The following CDH7 variants were observed in gnomAD, a reference collection of about 807,000 sequenced individuals.
The protein encoded by CDH7 is cadherin 7, also known as cadherin-7.
In CDH7, 25 loss-of-function variants were observed where a neutral mutation model predicts 71.8. The observed-to-expected ratio is 0.35, with a 90% CI of 0.25 to 0.49. The LOEUF (loss-of-function observed/expected upper bound fraction) is 0.49, where lower values mean the gene tolerates loss of function less well. CDH7 is among the 20% of genes least tolerant of loss of function. The probability of loss-of-function intolerance (pLI) is 0.99; values close to 1 mark genes in which losing one functional copy is unlikely to be tolerated. For missense variants in CDH7, 862 were observed against 974.6 expected, an observed-to-expected ratio of 0.88 and a Z score of 1.54; for synonymous variants, 381 against 363.8, an observed-to-expected ratio of 1.05 and a Z score of -0.54.
In CDH7 at chr18:65,887,574, T is replaced by C. The variant is rs1914404109; in HGVS notation, c.*6680T>C. ...ACTTATATATATTATGTATTTGTCT[T>C]TGAATTTTGTGTGCGTATGTGTGTG... is the stretch of plus-strand genomic sequence containing the variant. On this transcript the variant is annotated 3_prime_UTR_variant, in exon 12 of 12. Coordinates refer to ENST00000397968, the MANE Select transcript of CDH7 (RefSeq NM_004361.5). 1 of 152,178 alleles carries C rather than the reference T, an allele frequency of 6.6e-6. No individual in the cohort carries two copies. The allele number at this position is 152,178 out of a possible 1,614,324, so 9.4% of individuals were successfully genotyped here. A position where few individuals can be genotyped will look rare whatever the true frequency, so the allele number is the denominator to read the frequency against.
At chr18:65,880,273 A>G in intron 11 of CDH7, 128 bp from the exon 12 acceptor site, 1 of 885,216 alleles carries the variant, frequency 1.1e-6, no homozygotes, top group Non-Finnish European at 1.7e-6. Flanking sequence ...TTGTGGAAGT[A>G]GGTGGCCAAT....
intron 6 of CDH7, among the ~76,000 whole-genome samples, chr18:65,839,171 G>A (rs887071260): frequency 1.3e-5 from 2 of 152,110 alleles, no homozygotes; most frequent in African/African-American, 4.8e-5. Flanking sequence ...AGAACTCTTT[G>A]CTATTTAGTT....
At chr18:65,756,048 A>G (rs1916019704) in intron 1 of CDH7, among the ~76,000 whole-genome samples, 1 of 152,218 alleles carries the variant, frequency 6.6e-6, no homozygotes, top group Non-Finnish European at 1.5e-5. Flanking sequence ...TCTTAAAACA[A>G]TGGTAATATG....
chr18:65,811,285 C>T (rs114143694), intron 3 of CDH7, among the ~76,000 whole-genome samples: 2,447 of 151,838 alleles, frequency 0.016, 53 homozygotes, highest in African/African-American at 0.055. Flanking sequence ...CATGTGTGCT[C>T]TTAAGGGGAT....
intron 4 of CDH7, among the ~76,000 whole-genome samples, chr18:65,820,705 G>A (rs1439562108): frequency 6.6e-6 from 1 of 152,104 alleles, no homozygotes; most frequent in Non-Finnish European, 1.5e-5. Flanking sequence ...GTTATTTATA[G>A]GCTCACTTAT....
At chr18:65,786,672 T>TTC (rs1003600390) in intron 2 of CDH7, among the ~76,000 whole-genome samples, 2 of 152,046 alleles carry the variant, frequency 1.3e-5, no homozygotes, top group Non-Finnish European at 2.9e-5. Flanking sequence ...CTGCTTCTTT[T>TTC]TCTCTCTCTC....
intron 2 of CDH7, among the ~76,000 whole-genome samples, chr18:65,792,643 ATGT>A (rs1910755381): frequency 6.6e-6 from 1 of 152,052 alleles, no homozygotes; most frequent in South Asian, 2.1e-4. Flanking sequence ...TTGCATTCTA[ATGT>A]TGTAGCACTG....
At chr18:65,796,927 A>G (rs1471450947) in intron 2 of CDH7, among the ~76,000 whole-genome samples, 1 of 152,222 alleles carries the variant, frequency 6.6e-6, no homozygotes. Context: ...GTAGCCGTTA[A>G]GAAAATAGGA....
At position 65,884,029 on chromosome 18, in the gene CDH7, C is replaced by G. The variant is rs1914305137; in HGVS notation, c.*3135C>G. ...AGCATCAATAGAAACTCAGGGTTTG[C>G]CAAATTATGCCCATTTTGAACAGTT... On this transcript the variant is annotated 3_prime_UTR_variant, in exon 12 of 12. Transcript: ENST00000397968. The G allele has an allele frequency of 6.6e-6, 1 of 151,056 alleles. No individual in the cohort carries two copies. Among genetic ancestry groups the G allele is most frequent in the South Asian group, 2.1e-4 (1 of 4,816 alleles). The allele number at this position is 151,056 out of a possible 1,614,324, so 9.4% of individuals were successfully genotyped here. A position where few individuals can be genotyped will look rare whatever the true frequency, so the allele number is the denominator to read the frequency against.
chr18:65,779,989 T>G (rs1375006431), intron 2 of CDH7, among the ~76,000 whole-genome samples: 3 of 107,332 alleles, frequency 2.8e-5, no homozygotes, highest in African/African-American at 5.9e-5. Context: ...TTTTAATGAT[T>G]GCCATTCTAA....
chr18:65,834,179 C>A (rs1912452379), intron 6 of CDH7, among the ~76,000 whole-genome samples: 1 of 152,102 alleles, frequency 6.6e-6, no homozygotes, highest in Non-Finnish European at 1.5e-5. Context: ...AAGACATAGC[C>A]AGTATTTCTA....
chr18:65,794,193 T>A (rs1910822298), intron 2 of CDH7, among the ~76,000 whole-genome samples: 1 of 151,914 alleles, frequency 6.6e-6, no homozygotes. Context: ...TTTGTGGTAG[T>A]ATATAAGATT....
intron 2 of CDH7, among the ~76,000 whole-genome samples, chr18:65,777,825 C>T (rs1425503888): frequency 2.0e-5 from 3 of 152,098 alleles, no homozygotes; most frequent in Non-Finnish European, 2.9e-5. Flanking sequence ...TCACATTTGT[C>T]AGAGCTTGAT....
chr18:65,880,327 A>G, intron 11 of CDH7, 74 bp from the exon 12 acceptor site: 1 of 1,428,878 alleles, frequency 7.0e-7, no homozygotes, highest in South Asian at 1.5e-5. Context: ...TCAGCGTCCT[A>G]GGCCTAATTT....
intron 2 of CDH7, among the ~76,000 whole-genome samples, chr18:65,782,429 A>T (rs1910346439): frequency 6.6e-6 from 1 of 152,066 alleles, no homozygotes; most frequent in Admixed American, 6.6e-5. Context: ...AAGTGCTGGG[A>T]TTACAGGCAT....
intron 1 of CDH7, among the ~76,000 whole-genome samples, chr18:65,752,198 A>C (rs945336268): frequency 2.0e-5 from 3 of 152,260 alleles, no homozygotes; most frequent in African/African-American, 7.2e-5. Context: ...ATCATTTTTC[A>C]TAGAGAAGTA....
At chr18:65,770,295 A>C in intron 2 of CDH7, among the ~76,000 whole-genome samples, 1 of 152,214 alleles carries the variant, frequency 6.6e-6, no homozygotes, top group East Asian at 1.9e-4. Flanking sequence ...GGTTAAAATA[A>C]GAGCTTTCTC....
At chr18:65,851,508 A>G (rs1913149683) in intron 7 of CDH7, among the ~76,000 whole-genome samples, 1 of 152,190 alleles carries the variant, frequency 6.6e-6, no homozygotes, top group Admixed American at 6.6e-5. Context: ...CTGTGAATAT[A>G]AAGAAGAACA....
intron 11 of CDH7, among the ~76,000 whole-genome samples, chr18:65,870,836 A>G (rs578200605): frequency 4.5e-4 from 69 of 152,156 alleles, no homozygotes; most frequent in African/African-American, 1.6e-3. Flanking sequence ...CAAATATAAA[A>G]CCTTTTGAAT....
Sources: allele counts gnomAD v4.1 joint callset (sites outside exome capture counted in the v4.1 genomes callset), GRCh38; gene constraint gnomAD v4.1.1; transcripts MANE v1.5; gene names NCBI Gene and HGNC (gene_info 2026-07-23, HGNC 2026-07-21).